Variants in DNM3 observed in about 807,000 individuals in gnomAD.
DNM3 encodes dynamin-3.
In DNM3, 47 loss-of-function variants were observed where a neutral mutation model predicts 101.6. That is an observed-to-expected ratio of 0.46 (90% CI 0.37 to 0.59). DNM3 has a LOEUF of 0.59. Ranked by LOEUF, DNM3 falls within the 20% of genes least tolerant of loss-of-function variation. The pLI is 0.00. For missense variants in DNM3, 849 were observed against 1,085.7 expected (o/e 0.78, Z 3.06); for synonymous variants, 385 against 387.9 (o/e 0.99, Z 0.09).
intron 15 of DNM3, among the ~76,000 whole-genome samples, chr1:172,255,684 A>T (rs1197937286): frequency 6.6e-6 from 1 of 152,050 alleles, no homozygotes; most frequent in Non-Finnish European, 1.5e-5. Context: ...GAGTATATAG[A>T]TGTACCCACA....
intron 1 of DNM3, among the ~76,000 whole-genome samples, chr1:171,913,362 A>G (rs1021893043): frequency 8.5e-5 from 13 of 152,224 alleles, no homozygotes; most frequent in African/African-American, 2.9e-4. Context: ...AGTACTTCAT[A>G]TTATAGAGTA....
chr1:171,990,903 A>C (rs1558385147), intron 4 of DNM3, among the ~76,000 whole-genome samples: 1 of 152,134 alleles, frequency 6.6e-6, no homozygotes, highest in Non-Finnish European at 1.5e-5. Flanking sequence ...GGCTTGGAAG[A>C]GTCAGATTAT....
chr1:172,145,315 T>G (rs2057822289), intron 14 of DNM3, among the ~76,000 whole-genome samples: 1 of 151,328 alleles, frequency 6.6e-6, no homozygotes, highest in Non-Finnish European at 1.5e-5. Flanking sequence ...TCTGTCTGTC[T>G]GTCTGTCTGT....
intron 14 of DNM3, among the ~76,000 whole-genome samples, chr1:172,207,987 T>C (rs965161686): frequency 3.3e-5 from 5 of 152,034 alleles, no homozygotes; most frequent in African/African-American, 1.2e-4. Flanking sequence ...TTTTGAGTTA[T>C]ACAGTAACAA....
Position 172,163,956 on chromosome 1 carries a change from TACACAC to T in DNM3, c.1659+32694_1659+32699del, listed in dbSNP as rs10536417. On this transcript the variant is annotated intron_variant, in intron 14 of 20. Transcript: ENST00000627582. ...ATATATACACATGCATACATATATA[TACACAC>T]ACACACACACACACACACACACACA... 1.3e-3 allele frequency among the ~76,000 whole-genome samples: 198 copies of T among 147,322 alleles called. No individual in the cohort carries two copies. The South Asian group carries it at 0.02, about 15-fold the overall frequency.
At chr1:172,278,171 C>T (rs751021567) in intron 15 of DNM3, among the ~76,000 whole-genome samples, 37 of 152,184 alleles carry the variant, frequency 2.4e-4, no homozygotes, top group African/African-American at 5.5e-4. Context: ...ATGAAGAATG[C>T]GCCAGTCTAT....
intron 15 of DNM3, among the ~76,000 whole-genome samples, chr1:172,271,651 A>G (rs1191912418): frequency 6.6e-6 from 1 of 152,130 alleles, no homozygotes; most frequent in Non-Finnish European, 1.5e-5. Flanking sequence ...AAACTCGACA[A>G]GTAATTGTTT....
At chr1:171,989,830 A>T (rs553822600) in intron 4 of DNM3, among the ~76,000 whole-genome samples, 1 of 152,058 alleles carries the variant, frequency 6.6e-6, no homozygotes, top group Non-Finnish European at 1.5e-5. Context: ...CAATATGGAG[A>T]TACATGTTCT....
chr1:172,125,918 T>G (rs1171334395), intron 13 of DNM3, among the ~76,000 whole-genome samples: 1 of 152,214 alleles, frequency 6.6e-6, no homozygotes, highest in African/African-American at 2.4e-5. Context: ...TTGGCATTCT[T>G]TTCAAATTTT....
At chr1:172,095,715 A>G (rs1224509439) in intron 13 of DNM3, among the ~76,000 whole-genome samples, 1 of 152,204 alleles carries the variant, frequency 6.6e-6, no homozygotes. Context: ...CTGGTTGCAG[A>G]AGATTGTTGT....
intron 10 of DNM3, among the ~76,000 whole-genome samples, chr1:172,055,076 G>A (rs2050496824): frequency 6.6e-6 from 1 of 150,844 alleles, no homozygotes; most frequent in South Asian, 2.1e-4. Context: ...ATCTAGCTCT[G>A]AATACACATA....
chr1:172,270,504 G>A (rs1194083236), intron 15 of DNM3, among the ~76,000 whole-genome samples: 1 of 151,808 alleles, frequency 6.6e-6, no homozygotes, highest in Non-Finnish European at 1.5e-5. Flanking sequence ...ACCTATACCT[G>A]CTGAAAAAAA....
intron 1 of DNM3, among the ~76,000 whole-genome samples, chr1:171,875,538 A>G (rs1306933009): frequency 6.6e-6 from 1 of 152,204 alleles, no homozygotes; most frequent in Non-Finnish European, 1.5e-5. Context: ...TTTACTGGCA[A>G]TAGAGTGTGC....
At chr1:171,923,992 T>C (rs2040371177) in intron 2 of DNM3, among the ~76,000 whole-genome samples, 1 of 152,216 alleles carries the variant, frequency 6.6e-6, no homozygotes, top group Non-Finnish European at 1.5e-5. Context: ...TCAGTCCATG[T>C]TGCTGTGAAG....
chr1:172,350,816 AG>A (rs1262646972), intron 17 of DNM3, among the ~76,000 whole-genome samples: 1 of 152,204 alleles, frequency 6.6e-6, no homozygotes, highest in East Asian at 1.9e-4. Flanking sequence ...TTCAGGATGC[AG>A]GATAAGGAAT....
rs868509330 is a variant in DNM3, at chr1:171,841,981, C to G, written c.161+164C>G. Reference sequence around the variant, plus strand: ...GGGCAGAGTGGCGGTGTCCGTGGGGCGGGCGGGGTCCTCCAGCTCTGGGCA... The same window carrying G: ...GGGCAGAGTGGCGGTGTCCGTGGGGGGGGCGGGGTCCTCCAGCTCTGGGCA... On this transcript the variant is annotated intron_variant, in intron 1 of 20. Coordinates refer to ENST00000627582, the MANE Select transcript of DNM3 (RefSeq NM_015569.5). Among the ~76,000 whole-genome samples, 1,011 of 138,952 alleles carry G rather than the reference C, an allele frequency of 7.3e-3. 11 individuals are homozygous for G. Among genetic ancestry groups the G allele is most frequent in the African/African-American group, 0.026 (947 of 37,072 alleles). 91.2% of individuals were successfully genotyped at this position (138,952 alleles called of 152,430 possible).
At chr1:172,208,651 C>A (rs1255917220) in intron 14 of DNM3, among the ~76,000 whole-genome samples, 1 of 152,060 alleles carries the variant, frequency 6.6e-6, no homozygotes, top group Non-Finnish European at 1.5e-5. Context: ...TTTCTACATA[C>A]CCTATTTGCT....
chr1:171,864,729 T>A (rs1426055599), intron 1 of DNM3: 1 of 152,212 alleles, frequency 6.6e-6, no homozygotes, highest in African/African-American at 2.4e-5. Flanking sequence ...TTCAATAAAT[T>A]CCCTCCTTAA....
chr1:171,972,232 G>A (rs891805145), intron 2 of DNM3, among the ~76,000 whole-genome samples: 8 of 152,212 alleles, frequency 5.3e-5, no homozygotes, highest in Admixed American at 4.6e-4. Context: ...CGTAATACAT[G>A]TTATATGAAT....
Sources: allele counts gnomAD v4.1 joint callset (sites outside exome capture counted in the v4.1 genomes callset), GRCh38; gene constraint gnomAD v4.1.1; transcripts MANE v1.5; gene names NCBI Gene and HGNC (gene_info 2026-07-23, HGNC 2026-07-21).